GALNT2: variants seen among roughly 807,000 people sequenced by gnomAD.
GALNT2 encodes polypeptide N-acetylgalactosaminyltransferase 2.
A neutral mutation model predicts 81.4 loss-of-function variants in GALNT2; 31 were observed. The observed-to-expected ratio is 0.38, with a 90% CI of 0.29 to 0.51. The LOEUF (loss-of-function observed/expected upper bound fraction) is 0.51, where lower values mean the gene tolerates loss of function less well. Ranked by LOEUF, GALNT2 falls within the 20% of genes least tolerant of loss-of-function variation. The probability of loss-of-function intolerance (pLI) is 0.87; values close to 1 mark genes in which losing one functional copy is unlikely to be tolerated. For missense variants in GALNT2, 629 were observed against 765.7 expected, an observed-to-expected ratio of 0.82 and a Z score of 2.11; for synonymous variants, 303 against 287.4, an observed-to-expected ratio of 1.05 and a Z score of -0.55.
At chr1:230,097,733 A>G (rs1369440362) in intron 1 of GALNT2, among the ~76,000 whole-genome samples, 1 of 152,180 alleles carries the variant, frequency 6.6e-6, no homozygotes, top group African/African-American at 2.4e-5. Flanking sequence ...TAACATTCAA[A>G]TGACACATCA....
intron 6 of GALNT2, among the ~76,000 whole-genome samples, chr1:230,242,129 G>A (rs144046643): frequency 1.3e-5 from 2 of 152,072 alleles, no homozygotes; most frequent in East Asian, 1.9e-4. Flanking sequence ...GGATTGGAGC[G>A]CATCCTCGTG....
At chr1:230,267,713 G>C (rs996337017) in intron 14 of GALNT2, among the ~76,000 whole-genome samples, 1 of 152,252 alleles carries the variant, frequency 6.6e-6, no homozygotes, top group African/African-American at 2.4e-5. Flanking sequence ...AGAACAAACA[G>C]AGTGGAAGAC....
intron 1 of GALNT2, among the ~76,000 whole-genome samples, chr1:230,058,288 A>G (rs1658964124): frequency 6.6e-6 from 1 of 152,180 alleles, no homozygotes; most frequent in African/African-American, 2.4e-5. Context: ...GCACGGCGAC[A>G]TATTCCCTGG....
chr1:230,268,200 C>T (rs935463839), intron 14 of GALNT2: 6 of 152,172 alleles, frequency 3.9e-5, no homozygotes, highest in South Asian at 2.1e-4. Flanking sequence ...TCATCTAAAC[C>T]GGACAGACGG....
intron 1 of GALNT2, among the ~76,000 whole-genome samples, chr1:230,175,931 G>A (rs637180): frequency 0.23 from 34,485 of 151,722 alleles, 4,692 homozygotes; most frequent in East Asian, 0.38. Flanking sequence ...TACCAGCTGC[G>A]TAACCTGGAC....
chr1:230,263,915 G>C (rs547278986), intron 13 of GALNT2: 2 of 152,236 alleles, frequency 1.3e-5, no homozygotes, highest in African/African-American at 4.8e-5. Flanking sequence ...GCCTCTCTCT[G>C]TTGCTCCTGT....
chr1:230,217,862 T>C (rs188017242), intron 3 of GALNT2, among the ~76,000 whole-genome samples: 57 of 152,316 alleles, frequency 3.7e-4, no homozygotes, highest in African/African-American at 1.3e-3. Context: ...TCTAATCACC[T>C]CTTAAAGGTT....
intron 2 of GALNT2, among the ~76,000 whole-genome samples, chr1:230,195,211 T>C (rs1663652810): frequency 6.6e-6 from 1 of 151,782 alleles, no homozygotes; most frequent in Non-Finnish European, 1.5e-5. Flanking sequence ...GACTTGGGAG[T>C]CACTGAGGTG....
chr1:230,095,500 G>T (rs533211844), intron 1 of GALNT2, among the ~76,000 whole-genome samples: 3 of 152,198 alleles, frequency 2.0e-5, no homozygotes, highest in Non-Finnish European at 4.4e-5. Flanking sequence ...CCAGTGTGCT[G>T]CTCTGTGACG....
chr1:230,069,674 G>A (rs1366834992), intron 1 of GALNT2, among the ~76,000 whole-genome samples: 1 of 150,166 alleles, frequency 6.7e-6, no homozygotes, highest in East Asian at 2.0e-4. Context: ...GACACTAGAA[G>A]TGTCTCTAAA....
intron 3 of GALNT2, among the ~76,000 whole-genome samples, chr1:230,208,015 T>C (rs1009317196): frequency 7.9e-5 from 12 of 152,246 alleles, no homozygotes; most frequent in African/African-American, 2.9e-4. Flanking sequence ...TCAGGGTAAT[T>C]GGGATATCCC....
chr1:230,174,036 C>G (rs935052563), intron 1 of GALNT2, among the ~76,000 whole-genome samples: 2 of 152,148 alleles, frequency 1.3e-5, no homozygotes, highest in Non-Finnish European at 2.9e-5. Flanking sequence ...TTTTGGATAT[C>G]AAACATGGGC....
intron 11 of GALNT2, among the ~76,000 whole-genome samples, chr1:230,261,115 G>C (rs781720372): frequency 1.5e-5 from 2 of 132,256 alleles, no homozygotes; most frequent in East Asian, 4.7e-4. Flanking sequence ...TATAAACAAA[G>C]CAGAAGTGAG....
chr1:230,061,900 A>C (rs1364383081), intron 1 of GALNT2, among the ~76,000 whole-genome samples: 1 of 152,274 alleles, frequency 6.6e-6, no homozygotes, highest in Non-Finnish European at 1.5e-5. Flanking sequence ...TATAACACTT[A>C]CATGTATGTT....
intron 1 of GALNT2, among the ~76,000 whole-genome samples, chr1:230,121,690 G>T (rs1433385787): frequency 6.6e-6 from 1 of 152,106 alleles, no homozygotes; most frequent in Non-Finnish European, 1.5e-5. Context: ...GTAACTCAGG[G>T]ACTGTGCTGG....
intron 2 of GALNT2, among the ~76,000 whole-genome samples, chr1:230,180,698 T>A (rs607553): frequency 0.23 from 35,095 of 152,074 alleles, 4,906 homozygotes; most frequent in African/African-American, 0.39. Context: ...ATAGATCAAG[T>A]TGAGATTAAC....
At chr1:230,178,435 G>T (rs374091670) in intron 2 of GALNT2, 124 bp downstream of exon 2, 16 of 651,780 alleles carry the variant, frequency 2.5e-5, no homozygotes, top group African/African-American at 2.4e-4. Flanking sequence ...AGGAGACACC[G>T]CCCTAAAGCA....
At chr1:230,162,563 C>T (rs1662468190) in intron 1 of GALNT2, among the ~76,000 whole-genome samples, 1 of 152,208 alleles carries the variant, frequency 6.6e-6, no homozygotes, top group Admixed American at 6.5e-5. Context: ...GCTAGAATCC[C>T]TCTTCCCTAA....
chr1:230,133,832 A>G (rs1219930205), intron 1 of GALNT2, among the ~76,000 whole-genome samples: 1 of 151,874 alleles, frequency 6.6e-6, no homozygotes, highest in Non-Finnish European at 1.5e-5. Flanking sequence ...CTTTTCTCAT[A>G]CTTTGTGTTA....
Sources: gnomAD v4.1 joint callset for allele counts (sites outside exome capture counted in the v4.1 genomes callset) on GRCh38, gnomAD v4.1.1 for gene constraint, MANE v1.5 for transcripts, NCBI Gene and HGNC (gene_info 2026-07-23, HGNC 2026-07-21) for gene names.